MOSPD2: variants seen among roughly 807,000 people sequenced by gnomAD.
The protein encoded by MOSPD2 is motile sperm domain containing 2, also known as motile sperm domain-containing protein 2.
Under a neutral mutation model 41.7 loss-of-function variants are expected in MOSPD2, and 5 were observed. The observed-to-expected ratio is 0.12, with a 90% confidence interval of 0.06 to 0.25. The LOEUF (loss-of-function observed/expected upper bound fraction) is 0.25, where lower values mean the gene tolerates loss of function less well. MOSPD2 is among the 10% of genes least tolerant of loss of function. The pLI is 1.00. For synonymous variants in MOSPD2, 115 were observed against 126.9 expected (o/e 0.91, Z 0.63); for missense variants, 282 against 375.2 (o/e 0.75, Z 2.05).
intron 2 of MOSPD2, among the ~76,000 whole-genome samples, chrX:14,882,299 C>T (rs763635664): frequency 7.2e-5 from 8 of 110,720 alleles, no homozygotes; most frequent in South Asian, 3.8e-4. Flanking sequence ...ATTGAACTCA[C>T]GCAAGTAGTG....
chrX:14,885,328 T>C (rs2147481636), intron 2 of MOSPD2: 1 of 111,595 alleles, frequency 9.0e-6, no homozygotes, highest in African/African-American at 3.3e-5. Context: ...TGTCATATGA[T>C]AGGAAACTAG....
chrX:14,891,711 G>C (rs2092554278), intron 2 of MOSPD2, among the ~76,000 whole-genome samples: 1 of 108,455 alleles, frequency 9.2e-6, no homozygotes, highest in Non-Finnish European at 1.9e-5. Context: ...GAGACTACAG[G>C]GTGCGCCACC....
chrX:14,873,426 T>C lies in MOSPD2; in HGVS notation c.-103T>C. On this transcript the variant is annotated 5_prime_UTR_variant, in exon 1 of 15. Coordinates refer to ENST00000380492, the MANE Select transcript of MOSPD2 (RefSeq NM_152581.4). Reference sequence around the variant, plus strand: ...CGCGACCGCCTCCCCCTCCCACCCTTCTCTGTCTACCTCTGGGCGGGACTG... The same window carrying C: ...CGCGACCGCCTCCCCCTCCCACCCTCCTCTGTCTACCTCTGGGCGGGACTG... 6 of 1,137,566 alleles carry C rather than the reference T, an allele frequency of 5.3e-6. No individual in the cohort carries two copies. The highest frequency in any genetic ancestry group is 6.0e-6 in the Non-Finnish European group (5 of 832,047). The allele number at this position is 1,137,566 out of a possible 1,213,427, so 93.7% of individuals were successfully genotyped here.
At chrX:14,896,231 A>G (rs948755828) in intron 4 of MOSPD2, among the ~76,000 whole-genome samples, 4 of 110,325 alleles carry the variant, frequency 3.6e-5, no homozygotes, top group African/African-American at 9.9e-5. Flanking sequence ...CCCAGGCCAC[A>G]TGCACATACC....
chrX:14,892,385 G>A (rs753306378), intron 2 of MOSPD2, among the ~76,000 whole-genome samples: 87 of 111,147 alleles, frequency 7.8e-4, no homozygotes, highest in African/African-American at 2.3e-3. Flanking sequence ...CAATCAGTTC[G>A]TGCGGGAACT....
Position 14,921,691 on chromosome X carries a change from G to A in MOSPD2, c.*1882G>A, listed in dbSNP as rs2092609916. On this transcript the variant is annotated 3_prime_UTR_variant, in exon 15 of 15. Transcript: ENST00000380492. ...TTAATAACATATCTTGTTAATGTTT[G>A]TGTGTCTATTAAATGTGACTAAGCA... 3 of 192,387 alleles carry A rather than the reference G, an allele frequency of 1.6e-5. No homozygotes were observed. Among genetic ancestry groups the A allele is most frequent in the Non-Finnish European group, 9.6e-6 (1 of 104,018 alleles). The allele number at this position is 192,387 out of a possible 1,213,427, so 15.9% of individuals were successfully genotyped here.
At chrX:14,917,629 T>C (rs1234360373) in intron 13 of MOSPD2, among the ~76,000 whole-genome samples, 3 of 112,006 alleles carry the variant, frequency 2.7e-5, no homozygotes, top group African/African-American at 9.7e-5. Context: ...TTTAGACATA[T>C]TGATTCATTC....
intron 2 of MOSPD2, among the ~76,000 whole-genome samples, chrX:14,882,332 G>A (rs190139705): frequency 1.8e-5 from 2 of 111,018 alleles, no homozygotes; most frequent in African/African-American, 3.3e-5. Flanking sequence ...GTTACCAGGG[G>A]CTGGAGGGGT....
intron 4 of MOSPD2, among the ~76,000 whole-genome samples, chrX:14,896,029 G>A (rs1201774890): frequency 9.0e-6 from 1 of 111,121 alleles, no homozygotes; most frequent in African/African-American, 3.3e-5. Context: ...TCCTCTTACT[G>A]CCACCTCCTC....
intron 8 of MOSPD2, among the ~76,000 whole-genome samples, chrX:14,909,520 T>G (rs2092587949): frequency 9.0e-6 from 1 of 111,570 alleles, no homozygotes; most frequent in Non-Finnish European, 1.9e-5. Flanking sequence ...AATTTCCTCT[T>G]GATGTGTCTT....
At chrX:14,877,700 G>A (rs956768603) in intron 2 of MOSPD2, among the ~76,000 whole-genome samples, 19 of 106,149 alleles carry the variant, frequency 1.8e-4, no homozygotes, top group South Asian at 1.8e-3. Flanking sequence ...TGGGTTGGGC[G>A]CGGTGGCTCA....
intron 2 of MOSPD2, among the ~76,000 whole-genome samples, chrX:14,890,543 A>G (rs1194388320): frequency 8.9e-6 from 1 of 111,851 alleles, no homozygotes; most frequent in Non-Finnish European, 1.9e-5. Context: ...TATCCAAAGC[A>G]GCACTCTTAC....
intron 2 of MOSPD2, among the ~76,000 whole-genome samples, chrX:14,877,593 G>A (rs1352117235): frequency 3.7e-5 from 4 of 108,867 alleles, no homozygotes; most frequent in Non-Finnish European, 7.7e-5. Context: ...CGCCTGCCTC[G>A]GCCTCCCAAA....
At chrX:14,900,712 G>T (rs766314204) in intron 6 of MOSPD2, 77 bp downstream of exon 6, 39 of 484,580 alleles carry the variant, frequency 8.0e-5, no homozygotes, top group Non-Finnish European at 1.2e-4. Context: ...GGAGCCTTAT[G>T]TTATTATAGA....
At chrX:14,906,763 G>A (rs773306997) in intron 7 of MOSPD2, among the ~76,000 whole-genome samples, 2 of 111,992 alleles carry the variant, frequency 1.8e-5, no homozygotes, top group Admixed American at 1.9e-4. Flanking sequence ...GGTGACTCAC[G>A]CCTGTAATCC....
chrX:14,910,267 G>A (rs2092589325), intron 8 of MOSPD2, among the ~76,000 whole-genome samples: 1 of 110,638 alleles, frequency 9.0e-6, no homozygotes, highest in Non-Finnish European at 1.9e-5. Flanking sequence ...CATGCCCACT[G>A]CCACTCCCTA....
rs775609973 is a variant in MOSPD2 at position 14,918,799 on chromosome X, C to T, written c.1419+17C>T. The T allele has an allele frequency of 2.0e-5, 20 of 1,022,033 alleles. No homozygotes were observed. In the East Asian group the frequency reaches 3.4e-4, roughly 17 times the overall value. The allele number at this position is 1,022,033 out of a possible 1,213,427, so 84.2% of individuals were successfully genotyped here. On this transcript the variant is annotated intron_variant, in intron 14 of 14. Transcript: ENST00000380492. ...TGTCTACAAGTAAGTATACTTTCTT[C>T]CTACCCAAACAAAGTTGTTAATGCT...
intron 7 of MOSPD2, among the ~76,000 whole-genome samples, chrX:14,903,893 A>G (rs1182116583): frequency 8.9e-6 from 1 of 112,307 alleles, no homozygotes; most frequent in Non-Finnish European, 1.9e-5. Flanking sequence ...ATTATATGCA[A>G]AGAAATTAGA....
chrX:14,900,693 G>T, intron 6 of MOSPD2, 58 bp downstream of exon 6: 1 of 572,201 alleles, frequency 1.7e-6, no homozygotes, highest in South Asian at 4.3e-5. Context: ...GACAATGTCT[G>T]AGAATTGTGG....
Sources: gnomAD v4.1 joint callset for allele counts (sites outside exome capture counted in the v4.1 genomes callset) on GRCh38, gnomAD v4.1.1 for gene constraint, MANE v1.5 for transcripts, NCBI Gene and HGNC (gene_info 2026-07-23, HGNC 2026-07-21) for gene names.